Variants in NT5DC1 observed in about 807,000 individuals in gnomAD.
NT5DC1 encodes 5'-nucleotidase domain-containing protein 1.
NT5DC1 carries 42 observed loss-of-function variants against 59.4 expected under a neutral mutation model. The ratio of observed to expected loss-of-function variants is 0.71; its 90% CI spans 0.55 to 0.92. The LOEUF is 0.92. Among genes scored for constraint, NT5DC1 ranks in the 40% least tolerant of loss-of-function variants. The pLI is 0.00. For synonymous variants in NT5DC1, 172 were observed against 188.1 expected (o/e 0.91, Z 0.70); for missense variants, 501 against 537.1 (o/e 0.93, Z 0.66).
At chr6:116,153,126 T>A (rs1749323172) in intron 6 of NT5DC1, among the ~76,000 whole-genome samples, 1 of 151,922 alleles carries the variant, frequency 6.6e-6, no homozygotes, top group Non-Finnish European at 1.5e-5. Context: ...TACACAAATA[T>A]ATGTATATAC....
rs1388258037 is a variant in NT5DC1 at position 116,164,365 on chromosome 6, G to C, written c.529+46420G>C. Among the ~76,000 whole-genome samples, 3 of 151,898 alleles carry C rather than the reference G, an allele frequency of 2.0e-5. No individual in the cohort carries two copies. In the East Asian group the frequency reaches 5.8e-4, roughly 29 times the overall value. On this transcript the variant is annotated intron_variant, in intron 6 of 11. Coordinates refer to ENST00000319550, the MANE Select transcript of NT5DC1 (RefSeq NM_152729.3). ...CCCTTCTTTGTCTTTTTTTACTCTT[G>C]TTGGTTTAAAGTCTATTTTATCTGA... is the stretch of plus-strand genomic sequence containing the variant.
At chr6:116,212,103 A>T (rs752394878) in intron 6 of NT5DC1, among the ~76,000 whole-genome samples, 1 of 152,080 alleles carries the variant, frequency 6.6e-6, no homozygotes, top group Non-Finnish European at 1.5e-5. Flanking sequence ...ATACTATTTT[A>T]TCAATTCTTT....
At chr6:116,222,015 A>G (rs999534755) in intron 7 of NT5DC1, among the ~76,000 whole-genome samples, 5 of 152,324 alleles carry the variant, frequency 3.3e-5, no homozygotes, top group South Asian at 4.1e-4. Flanking sequence ...CCGAATTGCC[A>G]TGAGTATGGA....
chr6:116,206,176 A>G (rs1781445585), intron 6 of NT5DC1, among the ~76,000 whole-genome samples: 3 of 152,016 alleles, frequency 2.0e-5, no homozygotes, highest in Admixed American at 1.3e-4. Flanking sequence ...GGGCCCATGC[A>G]GGGCAATTCC....
chr6:116,221,029 C>A, intron 6 of NT5DC1, 25 bp from the exon 7 acceptor site: 3 of 1,128,740 alleles, frequency 2.7e-6, no homozygotes, highest in South Asian at 1.4e-5. Flanking sequence ...AAAAGAAAAA[C>A]CTCATTGATA....
chr6:116,133,019 C>T (rs1014462907), intron 6 of NT5DC1, among the ~76,000 whole-genome samples: 2 of 151,986 alleles, frequency 1.3e-5, no homozygotes, highest in African/African-American at 4.8e-5. Context: ...TATGAAAAAC[C>T]CCTGAAACGT....
At chr6:116,164,746 G>A (rs1478204888) in intron 6 of NT5DC1, among the ~76,000 whole-genome samples, 4 of 151,988 alleles carry the variant, frequency 2.6e-5, no homozygotes, top group Non-Finnish European at 5.9e-5. Context: ...TGGTGTACTG[G>A]TCTAGTGGTG....
At chr6:116,199,108 C>T (rs1781293150) in intron 6 of NT5DC1, among the ~76,000 whole-genome samples, 1 of 151,828 alleles carries the variant, frequency 6.6e-6, no homozygotes, top group South Asian at 2.1e-4. Context: ...GCCAAATGTC[C>T]CTGGGGGGTG....
intron 1 of NT5DC1, among the ~76,000 whole-genome samples, chr6:116,103,802 C>G (rs930967366): frequency 3.9e-5 from 6 of 152,118 alleles, no homozygotes; most frequent in Non-Finnish European, 8.8e-5. Flanking sequence ...TTTCTCCTCT[C>G]TAAGGTTGCA....
intron 3 of NT5DC1, chr6:116,110,595 ATCTT>A: frequency 1.8e-6 from 1 of 555,920 alleles, no homozygotes; most frequent in Admixed American, 2.8e-5. Flanking sequence ...AAAGGGTGGT[ATCTT>A]ATCCAGTGTT....
chr6:116,199,346 G>A (rs1323267257), intron 6 of NT5DC1, among the ~76,000 whole-genome samples: 1 of 152,058 alleles, frequency 6.6e-6, no homozygotes, highest in East Asian at 1.9e-4. Flanking sequence ...ACATTAGATA[G>A]TCAAAGGACA....
chr6:116,217,729 T>TA (rs1781714296), intron 6 of NT5DC1, among the ~76,000 whole-genome samples: 1 of 152,128 alleles, frequency 6.6e-6, no homozygotes, highest in Admixed American at 6.5e-5. Flanking sequence ...AATTTAGGTA[T>TA]TCATATGTTG....
chr6:116,186,204 C>T (rs1057122110), intron 6 of NT5DC1, among the ~76,000 whole-genome samples: 2 of 151,990 alleles, frequency 1.3e-5, no homozygotes, highest in Non-Finnish European at 2.9e-5. Context: ...GACCCCAATG[C>T]TGTCTAGCTT....
rs1771817367 is a variant in NT5DC1, at chr6:116,245,076, G to T, written c.*1052G>T. On this transcript the variant is annotated 3_prime_UTR_variant, in exon 12 of 12. Transcript: ENST00000319550. ...ATTTAATTTCTGTAATTGGGAAGGA[G>T]GGTAATAATGAACAAAAAGTTTGAG... The T allele has an allele frequency of 1.3e-5, 2 of 152,140 alleles. No individual in the cohort carries two copies. Among genetic ancestry groups the T allele is most frequent in the Admixed American group, 1.3e-4 (2 of 15,278 alleles). The allele number at this position is 152,140 out of a possible 1,614,324, so 9.4% of individuals were successfully genotyped here. A position where few individuals can be genotyped will look rare whatever the true frequency, so the allele number is the denominator to read the frequency against.
At chr6:116,157,132 C>G (rs146466162) in intron 6 of NT5DC1, among the ~76,000 whole-genome samples, 6 of 152,250 alleles carry the variant, frequency 3.9e-5, no homozygotes, top group Non-Finnish European at 8.8e-5. Flanking sequence ...ATATGGAAAA[C>G]AAAGCAAAAC....
At chr6:116,186,315 T>C (rs550051733) in intron 6 of NT5DC1, among the ~76,000 whole-genome samples, 14 of 151,536 alleles carry the variant, frequency 9.2e-5, no homozygotes, top group South Asian at 2.1e-4. Context: ...TTTTTTTTTT[T>C]CATCTTCACT....
chr6:116,141,100 T>C (rs990243516), intron 6 of NT5DC1, among the ~76,000 whole-genome samples: 1 of 152,182 alleles, frequency 6.6e-6, no homozygotes, highest in Non-Finnish European at 1.5e-5. Flanking sequence ...TCATTTAAAC[T>C]TCAAGGTTTG....
intron 6 of NT5DC1, among the ~76,000 whole-genome samples, chr6:116,150,198 A>G (rs1368834442): frequency 6.6e-6 from 1 of 152,222 alleles, no homozygotes; most frequent in Non-Finnish European, 1.5e-5. Flanking sequence ...TTAAAACATT[A>G]CTATGGCTTT....
intron 6 of NT5DC1, chr6:116,120,387 T>C: frequency 2.5e-6 from 4 of 1,614,278 alleles, no homozygotes; most frequent in Admixed American, 3.3e-5. Flanking sequence ...TGTTGCCTGT[T>C]ATACAAAATT....
Sources: allele counts gnomAD v4.1 joint callset (sites outside exome capture counted in the v4.1 genomes callset), GRCh38; gene constraint gnomAD v4.1.1; transcripts MANE v1.5; gene names NCBI Gene and HGNC (gene_info 2026-07-23, HGNC 2026-07-21).